Variants in AGPS observed in about 807,000 individuals in gnomAD.
The protein encoded by AGPS is alkylglycerone phosphate synthase.
A neutral mutation model predicts 90.7 loss-of-function variants in AGPS; 26 were observed. That is an observed-to-expected ratio of 0.29 (90% CI 0.21 to 0.40). The LOEUF (loss-of-function observed/expected upper bound fraction) is 0.40, where lower values mean the gene tolerates loss of function less well. Ranked by LOEUF, AGPS falls within the 10% of genes least tolerant of loss-of-function variation. The pLI is 1.00. For missense variants in AGPS, 540 were observed against 816.1 expected (o/e 0.66, Z 4.12); for synonymous variants, 294 against 285.3 (o/e 1.03, Z -0.31).
intron 1 of AGPS, among the ~76,000 whole-genome samples, chr2:177,408,540 T>G (rs1413080847): frequency 6.6e-6 from 1 of 152,158 alleles, no homozygotes; most frequent in Non-Finnish European, 1.5e-5. Context: ...TATAGATTTA[T>G]GCCACCTCCT....
At chr2:177,502,322 C>A (rs771855040) in intron 14 of AGPS, among the ~76,000 whole-genome samples, 13 of 151,508 alleles carry the variant, frequency 8.6e-5, no homozygotes, top group Non-Finnish European at 1.6e-4. Flanking sequence ...ATTCTGGCTC[C>A]CTTTTATTAG....
At chr2:177,520,603 C>T (rs976953629) in intron 17 of AGPS, among the ~76,000 whole-genome samples, 4 of 152,058 alleles carry the variant, frequency 2.6e-5, no homozygotes, top group African/African-American at 4.8e-5. Flanking sequence ...CAGGAAAACA[C>T]GCTCTTGAAA....
chr2:177,455,300 A>G (rs961325936), intron 8 of AGPS, among the ~76,000 whole-genome samples: 1 of 152,074 alleles, frequency 6.6e-6, no homozygotes, highest in Non-Finnish European at 1.5e-5. Flanking sequence ...ACTGAGCTCT[A>G]TGCTCAATCT....
chr2:177,473,684 A>G (rs1480382492), intron 10 of AGPS, among the ~76,000 whole-genome samples: 1 of 152,246 alleles, frequency 6.6e-6, no homozygotes, highest in African/African-American at 2.4e-5. Flanking sequence ...CTCTACATAA[A>G]TGGGCCTTTT....
intron 5 of AGPS, among the ~76,000 whole-genome samples, chr2:177,440,397 C>T (rs1686565686): frequency 6.6e-6 from 1 of 152,032 alleles, no homozygotes. Flanking sequence ...TGGAATTACT[C>T]CCAAAATATA....
chr2:177,521,445 T>C, intron 18 of AGPS, 77 bp downstream of exon 18: 1 of 1,199,450 alleles, frequency 8.3e-7, no homozygotes, highest in Non-Finnish European at 1.2e-6. Flanking sequence ...TTTATGAATT[T>C]TAAGTTGAGT....
At chr2:177,450,975 T>TATATATATATATATATATATATA (rs1434749270) in intron 8 of AGPS, among the ~76,000 whole-genome samples, 10 of 136,588 alleles carry the variant, frequency 7.3e-5, no homozygotes, top group African/African-American at 2.5e-4. Context: ...TATATATATA[T>TATATATATATATATATATATATA]TTTAGAGACA....
At chr2:177,398,956 T>G (rs1301219239) in intron 1 of AGPS, among the ~76,000 whole-genome samples, 1 of 152,208 alleles carries the variant, frequency 6.6e-6, no homozygotes, top group Non-Finnish European at 1.5e-5. Context: ...GTCTTTGGAC[T>G]GTGAATGAAC....
At chr2:177,481,165 C>T (rs981436792) in intron 10 of AGPS, among the ~76,000 whole-genome samples, 4 of 152,048 alleles carry the variant, frequency 2.6e-5, no homozygotes, top group African/African-American at 9.7e-5. Flanking sequence ...TGTGCAGTTT[C>T]AAGGATTTCT....
At chr2:177,446,201 T>A (rs1686766762) in intron 8 of AGPS, among the ~76,000 whole-genome samples, 1 of 152,020 alleles carries the variant, frequency 6.6e-6, no homozygotes, top group African/African-American at 2.4e-5. Flanking sequence ...TCGCCCAGGC[T>A]GGAGTGCAGT....
intron 19 of AGPS, among the ~76,000 whole-genome samples, chr2:177,524,318 G>C (rs2079060949): frequency 6.6e-6 from 1 of 152,170 alleles, no homozygotes; most frequent in Non-Finnish European, 1.5e-5. Flanking sequence ...ATTTTGGTAA[G>C]TATCGAGTGT....
chr2:177,394,485 AG>A (rs1475743361), intron 1 of AGPS, among the ~76,000 whole-genome samples: 2 of 150,902 alleles, frequency 1.3e-5, no homozygotes, highest in Non-Finnish European at 3.0e-5. Flanking sequence ...GTGTAGTAGG[AG>A]AGGGTGAGAA....
At chr2:177,419,221 G>A (rs948291827) in intron 1 of AGPS, among the ~76,000 whole-genome samples, 2 of 123,268 alleles carry the variant, frequency 1.6e-5, no homozygotes, top group Middle Eastern at 4.3e-3. Context: ...AAAAAAACTT[G>A]CTTGTCAGTT....
chr2:177,532,498 C>T (rs1481525630), intron 19 of AGPS, among the ~76,000 whole-genome samples: 2 of 152,146 alleles, frequency 1.3e-5, no homozygotes, highest in Non-Finnish European at 2.9e-5. Flanking sequence ...CTGAATCACT[C>T]GTACATTGCT....
intron 5 of AGPS, among the ~76,000 whole-genome samples, chr2:177,438,232 T>C (rs1044929388): frequency 2.0e-5 from 3 of 152,150 alleles, no homozygotes; most frequent in Non-Finnish European, 4.4e-5. Flanking sequence ...GTGTACCTTC[T>C]AGGCATTTTC....
At chr2:177,520,577 T>C (rs1207384478) in intron 17 of AGPS, among the ~76,000 whole-genome samples, 1 of 152,214 alleles carries the variant, frequency 6.6e-6, no homozygotes, top group Non-Finnish European at 1.5e-5. Flanking sequence ...ATGGAGCTCA[T>C]TGTGTGGTCC....
At chr2:177,477,652 C>A (rs1362598265) in intron 10 of AGPS, among the ~76,000 whole-genome samples, 4 of 152,128 alleles carry the variant, frequency 2.6e-5, no homozygotes, top group African/African-American at 9.7e-5. Context: ...AAGGGATATT[C>A]AACATTTCTA....
At position 177,497,561 on chromosome 2, in the gene AGPS, C is replaced by T. The variant is rs181623248; in HGVS notation, c.1286-128C>T. On this transcript the variant is annotated intron_variant, in intron 12 of 19. Transcript: ENST00000264167. Reference sequence around the variant, plus strand: ...AATATAAATATTTATGTAAATAACACGGGAAGATTTTAAAAATTAAAGTTG... The same window carrying T: ...AATATAAATATTTATGTAAATAACATGGGAAGATTTTAAAAATTAAAGTTG... The T allele has an allele frequency of 7.2e-4, 300 of 415,714 alleles. 3 individuals are homozygous for T. In the East Asian group the frequency reaches 0.011, roughly 15 times the overall value. 25.8% of individuals were successfully genotyped at this position (415,714 alleles called of 1,614,324 possible). A position where few individuals can be genotyped will look rare whatever the true frequency, so the allele number is the denominator to read the frequency against.
chr2:177,471,473 A>C (rs1687623325), intron 10 of AGPS, among the ~76,000 whole-genome samples: 1 of 152,176 alleles, frequency 6.6e-6, no homozygotes. Flanking sequence ...AGTATAATGA[A>C]AAATGTAATA....
Sources: allele counts gnomAD v4.1 joint callset (sites outside exome capture counted in the v4.1 genomes callset), GRCh38; gene constraint gnomAD v4.1.1; transcripts MANE v1.5; gene names NCBI Gene and HGNC (gene_info 2026-07-23, HGNC 2026-07-21).